The following MGAT4C variants were observed in gnomAD, a reference collection of about 807,000 sequenced individuals.
The protein encoded by MGAT4C is alpha-1,3-mannosyl-glycoprotein 4-beta-N-acetylglucosaminyltransferase C.
A neutral mutation model predicts 40.1 loss-of-function variants in MGAT4C; 19 were observed. The observed-to-expected ratio is 0.47, with a 90% confidence interval of 0.33 to 0.70. The LOEUF (loss-of-function observed/expected upper bound fraction) is 0.70, where lower values mean the gene tolerates loss of function less well. MGAT4C is among the 30% of genes least tolerant of loss of function. The probability of loss-of-function intolerance (pLI) is 0.02; values close to 1 mark genes in which losing one functional copy is unlikely to be tolerated. For synonymous variants in MGAT4C, 181 were observed against 187.1 expected, an observed-to-expected ratio of 0.97 and a Z score of 0.27; for missense variants, 491 against 563.2, an observed-to-expected ratio of 0.87 and a Z score of 1.30.
chr12:86,758,818 T>A (rs1432094757), intron 1 of MGAT4C, among the ~76,000 whole-genome samples: 1 of 152,076 alleles, frequency 6.6e-6, no homozygotes, highest in Non-Finnish European at 1.5e-5. Flanking sequence ...GATACACGGA[T>A]GCATTGTGTA....
intron 2 of MGAT4C, among the ~76,000 whole-genome samples, chr12:86,483,211 T>C (rs1296309938): frequency 6.6e-6 from 1 of 152,166 alleles, no homozygotes; most frequent in African/African-American, 2.4e-5. Flanking sequence ...AGTACCCTCA[T>C]AAACTAGCTA....
At chr12:86,421,621 C>T (rs947454101) in intron 3 of MGAT4C, among the ~76,000 whole-genome samples, 1 of 151,922 alleles carries the variant, frequency 6.6e-6, no homozygotes, top group African/African-American at 2.4e-5. Flanking sequence ...ACTAAAAATA[C>T]AAAAGTTTGC....
At chr12:86,050,137 T>G (rs1361079538) in intron 1 of MGAT4C, among the ~76,000 whole-genome samples, 1 of 152,146 alleles carries the variant, frequency 6.6e-6, no homozygotes, top group Non-Finnish European at 1.5e-5. Context: ...TCACTGAACT[T>G]CACTTCACCA....
chr12:86,516,955 C>A (rs1958701050), intron 2 of MGAT4C, among the ~76,000 whole-genome samples: 1 of 152,154 alleles, frequency 6.6e-6, no homozygotes, highest in South Asian at 2.1e-4. Context: ...AGAGCAGCAT[C>A]ATTAGTCATT....
intron 1 of MGAT4C, among the ~76,000 whole-genome samples, chr12:86,099,294 C>A (rs1210718936): frequency 6.6e-6 from 1 of 151,154 alleles, no homozygotes; most frequent in Non-Finnish European, 1.5e-5. Flanking sequence ...TTCATCTTTT[C>A]TTCTGAGAAT....
intron 2 of MGAT4C, among the ~76,000 whole-genome samples, chr12:86,643,634 A>C (rs1052842083): frequency 6.6e-6 from 1 of 151,864 alleles, no homozygotes; most frequent in African/African-American, 2.4e-5. Flanking sequence ...AAGTGTCCAA[A>C]ATAGACAAAT....
chr12:86,106,703 T>C (rs1203066853), intron 1 of MGAT4C, among the ~76,000 whole-genome samples: 1 of 152,068 alleles, frequency 6.6e-6, no homozygotes, highest in Non-Finnish European at 1.5e-5. Flanking sequence ...AATCCTTTAG[T>C]TATGTGTTTG....
chr12:86,538,034 C>A (rs1477009985), intron 2 of MGAT4C, among the ~76,000 whole-genome samples: 3 of 152,082 alleles, frequency 2.0e-5, no homozygotes, highest in Non-Finnish European at 4.4e-5. Context: ...TGGCAGTGAG[C>A]CAAGATCATG....
chr12:86,398,813 T>G (rs997324412), intron 3 of MGAT4C, among the ~76,000 whole-genome samples: 1 of 152,054 alleles, frequency 6.6e-6, no homozygotes, highest in South Asian at 2.1e-4. Context: ...TGTTTGATTG[T>G]AGGTCAGAGA....
At chr12:86,724,486 C>A (rs992949392) in intron 2 of MGAT4C, among the ~76,000 whole-genome samples, 1 of 152,112 alleles carries the variant, frequency 6.6e-6, no homozygotes, top group Non-Finnish European at 1.5e-5. Context: ...CTCTGGCCTA[C>A]CATATTATAT....
chr12:86,363,143 A>G (rs1357048261), intron 3 of MGAT4C, among the ~76,000 whole-genome samples: 1 of 152,080 alleles, frequency 6.6e-6, no homozygotes, highest in Non-Finnish European at 1.5e-5. Context: ...AAAATAAGCC[A>G]GGGTATATAA....
intron 2 of MGAT4C, among the ~76,000 whole-genome samples, chr12:86,019,398 T>G (rs2136856719): frequency 6.6e-6 from 1 of 152,260 alleles, no homozygotes; most frequent in African/African-American, 2.4e-5. Flanking sequence ...GGCAATTCGG[T>G]TTAAACACAG....
At chr12:86,283,366 G>A (rs1953267437) in intron 4 of MGAT4C, among the ~76,000 whole-genome samples, 1 of 151,762 alleles carries the variant, frequency 6.6e-6, no homozygotes, top group African/African-American at 2.4e-5. Context: ...ATGGACATAA[G>A]TGGAAATTAT....
At chr12:85,998,474 G>A (rs1158180666) in intron 2 of MGAT4C, among the ~76,000 whole-genome samples, 1 of 152,110 alleles carries the variant, frequency 6.6e-6, no homozygotes, top group South Asian at 2.1e-4. Flanking sequence ...CAAATTTTCT[G>A]AACTTTTATG....
At chr12:86,787,850 C>T (rs1375537386) in intron 1 of MGAT4C, among the ~76,000 whole-genome samples, 1 of 152,114 alleles carries the variant, frequency 6.6e-6, no homozygotes, top group African/African-American at 2.4e-5. Flanking sequence ...AGGCTTAAGC[C>T]ATCCTTCCAC....
At chr12:86,351,590 T>A (rs1242075063) in intron 3 of MGAT4C, among the ~76,000 whole-genome samples, 1 of 152,034 alleles carries the variant, frequency 6.6e-6, no homozygotes, top group Non-Finnish European at 1.5e-5. Flanking sequence ...ACTATAAATA[T>A]TTTTTCTTTC....
rs564131792 is a variant in MGAT4C, at chr12:86,643,165, C to T, written c.-229+84044G>A. Among the ~76,000 whole-genome samples the T allele has an allele frequency of 1.1e-3, 161 of 150,752 alleles. 1 individual carries two copies. The highest frequency in any genetic ancestry group is 2.0e-3 in the Non-Finnish European group (134 of 67,812). ...CAAGGGAGATAGAGATGGCCAAACT[C>T]GCTTTTATAACAAGCCCACTGCTGT... is the stretch of plus-strand genomic sequence containing the variant. On this transcript the variant is annotated intron_variant, in intron 2 of 7. Transcript: ENST00000548651.
intron 1 of MGAT4C, among the ~76,000 whole-genome samples, chr12:86,085,637 C>A (rs1871671623): frequency 6.6e-6 from 1 of 151,880 alleles, no homozygotes; most frequent in South Asian, 2.1e-4. Context: ...TTCAATGTAT[C>A]CATTTCACAA....
intron 3 of MGAT4C, among the ~76,000 whole-genome samples, chr12:86,390,480 T>C (rs952989392): frequency 1.3e-5 from 2 of 152,214 alleles, no homozygotes; most frequent in Admixed American, 6.6e-5. Flanking sequence ...AAATACTTTA[T>C]ATGATATTTA....
Sources: gnomAD v4.1 joint callset for allele counts (sites outside exome capture counted in the v4.1 genomes callset) on GRCh38, gnomAD v4.1.1 for gene constraint, MANE v1.5 for transcripts, NCBI Gene and HGNC (gene_info 2026-07-23, HGNC 2026-07-21) for gene names.